Variants in CCDC171 observed in about 807,000 individuals in gnomAD.
The protein encoded by CCDC171 is coiled-coil domain containing 171, also known as coiled-coil domain-containing protein 171.
A neutral mutation model predicts 168.2 loss-of-function variants in CCDC171; 177 were observed. The ratio of observed to expected loss-of-function variants is 1.05; its 90% confidence interval spans 0.93 to 1.19. The LOEUF is 1.19. CCDC171 is among the 50% of genes most tolerant of loss of function. CCDC171 has a pLI of 0.00. For synonymous variants in CCDC171, 687 were observed against 540.8 expected, an observed-to-expected ratio of 1.27 and a Z score of -3.75; for missense variants, 1,991 against 1,539.0, an observed-to-expected ratio of 1.29 and a Z score of -4.91.
intron 11 of CCDC171, among the ~76,000 whole-genome samples, chr9:15,705,582 C>T (rs1443181782): frequency 1.3e-5 from 2 of 152,276 alleles, no homozygotes; most frequent in African/African-American, 2.4e-5. Context: ...TGTCTTCCTT[C>T]GGCCTGTGCT....
intron 3 of CCDC171, among the ~76,000 whole-genome samples, chr9:16,009,443 C>G (rs960696999): frequency 6.6e-6 from 1 of 152,112 alleles, no homozygotes; most frequent in African/African-American, 2.4e-5. Context: ...AACATTCTTA[C>G]TTAAATAATT....
intron 4 of CCDC171, among the ~76,000 whole-genome samples, chr9:15,582,579 A>G (rs948624858): frequency 6.6e-6 from 1 of 152,218 alleles, no homozygotes; most frequent in African/African-American, 2.4e-5. Flanking sequence ...GCACATATAT[A>G]CACCATGGAA....
At chr9:15,799,904 T>G (rs765388604) in intron 21 of CCDC171, among the ~76,000 whole-genome samples, 4 of 152,182 alleles carry the variant, frequency 2.6e-5, no homozygotes, top group Middle Eastern at 3.2e-3. Context: ...CTTATTTCAC[T>G]TAACATAATG....
chr9:16,018,160 T>C (rs748343708), intron 3 of CCDC171, among the ~76,000 whole-genome samples: 5 of 152,158 alleles, frequency 3.3e-5, no homozygotes, highest in Non-Finnish European at 7.4e-5. Flanking sequence ...TATCCACCCA[T>C]GTGTTTGTGA....
chr9:15,986,634 TG>T (rs1255903846), intron 3 of CCDC171, among the ~76,000 whole-genome samples: 1 of 152,220 alleles, frequency 6.6e-6, no homozygotes, highest in East Asian at 1.9e-4. Flanking sequence ...CTTGTTTGCC[TG>T]GCACCTGCTG....
At chr9:15,594,018 A>G (rs760662044) in intron 5 of CCDC171, 23 bp from the exon 6 acceptor site, 1 of 1,542,656 alleles carries the variant, frequency 6.5e-7, no homozygotes, top group Non-Finnish European at 8.8e-7. Context: ...CTAACAGTAA[A>G]GCAAGATTTT....
chr9:15,823,934 A>T (rs1251036854), intron 21 of CCDC171, among the ~76,000 whole-genome samples: 11 of 152,150 alleles, frequency 7.2e-5, no homozygotes, highest in Non-Finnish European at 1.6e-4. Context: ...ACATTGGTAG[A>T]CTTGAAAATA....
At chr9:15,798,320 G>A (rs1033642280) in intron 21 of CCDC171, among the ~76,000 whole-genome samples, 3 of 151,864 alleles carry the variant, frequency 2.0e-5, no homozygotes, top group Admixed American at 1.3e-4. Flanking sequence ...TCTCTAGTTA[G>A]GAGTTTATTA....
chr9:15,654,443 C>G (rs1481162963), intron 7 of CCDC171, among the ~76,000 whole-genome samples: 1 of 152,164 alleles, frequency 6.6e-6, no homozygotes, highest in Admixed American at 6.5e-5. Context: ...TGTTTATGCT[C>G]TGCACTATGA....
At chr9:15,842,323 A>T (rs921133548) in intron 21 of CCDC171, among the ~76,000 whole-genome samples, 1 of 152,056 alleles carries the variant, frequency 6.6e-6, no homozygotes, top group Admixed American at 6.6e-5. Context: ...ATGAGAAAGA[A>T]CTATGTTGGG....
At position 15,596,334 on chromosome 9, in the gene CCDC171, A is replaced by C. The variant is rs1407765522; in HGVS notation, c.675+2162A>C. 7.0e-3 allele frequency among the ~76,000 whole-genome samples: 1,057 copies of C among 151,884 alleles called. 7 individuals are homozygous for C. Among genetic ancestry groups the C allele is most frequent in the African/African-American group, 0.025 (1,028 of 41,514 alleles). ...ATTAATTTTTGTATAAGGTGTAAGG[A>C]AGGGATCCAGTTTCAGCTTTCTACA... On this transcript the variant is annotated intron_variant, in intron 6 of 25. Transcript: ENST00000380701.
intron 3 of CCDC171, among the ~76,000 whole-genome samples, chr9:15,997,171 C>G (rs569189297): frequency 6.6e-5 from 10 of 152,282 alleles, no homozygotes; most frequent in African/African-American, 2.4e-4. Context: ...CCTTCCTGTC[C>G]ATTCCAAGAA....
intron 20 of CCDC171, among the ~76,000 whole-genome samples, chr9:15,779,932 G>A (rs147148782): frequency 2.0e-5 from 3 of 152,300 alleles, no homozygotes; most frequent in African/African-American, 7.2e-5. Context: ...TGTTTTTAAT[G>A]TGGATATGGG....
At chr9:15,980,637 T>C (rs1831762463) in intron 3 of CCDC171, among the ~76,000 whole-genome samples, 2 of 152,172 alleles carry the variant, frequency 1.3e-5, no homozygotes, top group South Asian at 4.1e-4. Flanking sequence ...TTTCAAGCTA[T>C]AGAAGAAGGT....
intron 9 of CCDC171, among the ~76,000 whole-genome samples, chr9:15,673,332 A>G (rs2049266041): frequency 6.6e-6 from 1 of 152,196 alleles, no homozygotes; most frequent in Admixed American, 6.5e-5. Context: ...TCCTAATTGA[A>G]TACGCTTTAT....
At chr9:15,967,467 A>T (rs752055531) in intron 25 of CCDC171, among the ~76,000 whole-genome samples, 1 of 152,224 alleles carries the variant, frequency 6.6e-6, no homozygotes, top group Non-Finnish European at 1.5e-5. Flanking sequence ...TGCAATATGT[A>T]TTCTTTCCCC....
chr9:15,780,509 C>T (rs945297975), intron 20 of CCDC171, among the ~76,000 whole-genome samples: 25 of 151,728 alleles, frequency 1.6e-4, no homozygotes, highest in African/African-American at 5.1e-4. Context: ...ATAGTGAGAC[C>T]GCATCTCTAA....
chr9:16,021,622 G>A (rs1268938678), intron 4 of CCDC171, among the ~76,000 whole-genome samples: 1 of 152,170 alleles, frequency 6.6e-6, no homozygotes, highest in Non-Finnish European at 1.5e-5. Flanking sequence ...AAAAATGGAG[G>A]AAATAAATGT....
At chr9:15,935,340 G>A (rs10810484) in intron 25 of CCDC171, among the ~76,000 whole-genome samples, 48,096 of 151,750 alleles carry the variant, frequency 0.32, 9,422 homozygotes, top group East Asian at 0.61. Context: ...TCAAAGCTTT[G>A]GGAAATAAAT....
Sources: gnomAD v4.1 joint callset for allele counts (sites outside exome capture counted in the v4.1 genomes callset) on GRCh38, gnomAD v4.1.1 for gene constraint, MANE v1.5 for transcripts, NCBI Gene and HGNC (gene_info 2026-07-23, HGNC 2026-07-21) for gene names.